PON3: variants seen among roughly 807,000 people sequenced by gnomAD.
PON3 encodes the protein paraoxonase 3.
PON3 carries 37 observed loss-of-function variants against 36.3 expected under a neutral mutation model. The ratio of observed to expected loss-of-function variants is 1.02; its 90% CI spans 0.78 to 1.34. The LOEUF (loss-of-function observed/expected upper bound fraction) is 1.34, where lower values mean the gene tolerates loss of function less well. PON3 is among the 40% of genes most tolerant of loss of function. The probability of loss-of-function intolerance (pLI) is 0.00; values close to 1 mark genes in which losing one functional copy is unlikely to be tolerated. For synonymous variants in PON3, 155 were observed against 154.8 expected (o/e 1.00, Z -0.01); for missense variants, 415 against 426.5 (o/e 0.97, Z 0.24).
At chr7:95,383,597 T>A (rs997611486) in intron 3 of PON3, among the ~76,000 whole-genome samples, 1 of 152,108 alleles carries the variant, frequency 6.6e-6, no homozygotes, top group East Asian at 1.9e-4. Context: ...TGAACTCCCA[T>A]TCACAATTGC....
At chr7:95,366,886 A>G (rs1325520217) in intron 5 of PON3, among the ~76,000 whole-genome samples, 1 of 152,252 alleles carries the variant, frequency 6.6e-6, no homozygotes, top group Non-Finnish European at 1.5e-5. Context: ...TCAATGCTTA[A>G]CAAATGTAAT....
intron 5 of PON3, chr7:95,365,703 ATC>A (rs1398375718): frequency 2.6e-5 from 4 of 152,182 alleles, no homozygotes; most frequent in East Asian, 3.9e-4. Context: ...GAGGCTAGGA[ATC>A]CAAAACCGTG....
rs1177463645 is a variant in PON3 at position 95,362,865 on chromosome 7, C to T, written c.696-24G>A. 5 of 1,529,944 alleles carry T rather than the reference C, an allele frequency of 3.3e-6. No individual in the cohort carries two copies. The South Asian group carries it at 4.5e-5, about 14-fold the overall frequency. 94.8% of individuals were successfully genotyped at this position (1,529,944 alleles called of 1,614,324 possible). On this transcript the variant is annotated intron_variant, in intron 6 of 8. Coordinates refer to ENST00000265627, the MANE Select transcript of PON3 (RefSeq NM_000940.3). ...ACCTTTGAAGTAAATGACATTTACA[C>T]TTAAGCAAGTGGTAATGAGAGACAA...
intron 3 of PON3, among the ~76,000 whole-genome samples, chr7:95,382,228 T>C (rs918105676): frequency 2.6e-5 from 4 of 152,136 alleles, no homozygotes; most frequent in African/African-American, 9.7e-5. Flanking sequence ...TTTATAGCAC[T>C]AAATGCCCAC....
intron 3 of PON3, among the ~76,000 whole-genome samples, chr7:95,382,576 T>G (rs1809085527): frequency 6.6e-6 from 1 of 152,146 alleles, no homozygotes; most frequent in Non-Finnish European, 1.5e-5. Flanking sequence ...TATAAACACA[T>G]CTATGCAAAT....
intron 3 of PON3, chr7:95,377,625 C>T (rs1808949905): frequency 9.9e-6 from 4 of 404,172 alleles, no homozygotes; most frequent in Non-Finnish European, 2.0e-5. Context: ...TGGTGATACC[C>T]AGGCAAACAG....
intron 3 of PON3, among the ~76,000 whole-genome samples, chr7:95,378,209 G>C (rs1808964298): frequency 6.6e-6 from 1 of 152,072 alleles, no homozygotes; most frequent in African/African-American, 2.4e-5. Flanking sequence ...GATGAGAGAA[G>C]AGTGAAAAGA....
At chr7:95,383,693 A>G (rs1479467689) in intron 3 of PON3, among the ~76,000 whole-genome samples, 3 of 152,102 alleles carry the variant, frequency 2.0e-5, no homozygotes, top group African/African-American at 4.8e-5. Context: ...ACTGCTCAAC[A>G]AAATAAAAGA....
At chr7:95,368,248 T>C (rs1311810166) in intron 4 of PON3, among the ~76,000 whole-genome samples, 1 of 152,208 alleles carries the variant, frequency 6.6e-6, no homozygotes, top group African/African-American at 2.4e-5. Context: ...CCTCCCACTG[T>C]AGGACTTGAT....
chr7:95,370,481 T>A lies in PON3; in HGVS notation c.367+1692A>T, dbSNP rs544783254. ...TTCGAGAAGTAAAGACACCATTATATATGAAAATAGTTTGTATACTATAAA... is the reference window on the plus strand; with the variant it reads ...TTCGAGAAGTAAAGACACCATTATAAATGAAAATAGTTTGTATACTATAAA... On this transcript the variant is annotated intron_variant, in intron 4 of 8. Transcript: ENST00000265627. Among the ~76,000 whole-genome samples, 7 of 152,338 alleles carry A rather than the reference T, an allele frequency of 4.6e-5. No individual in the cohort carries two copies. The East Asian group carries it at 1.4e-3, about 29-fold the overall frequency.
At chr7:95,365,681 C>T (rs1165923773) in intron 5 of PON3, 2 of 152,214 alleles carry the variant, frequency 1.3e-5, no homozygotes, top group Non-Finnish European at 2.9e-5. Flanking sequence ...AATGTATTGC[C>T]TCGCAGTTTT....
chr7:95,372,040 T>A, intron 4 of PON3, 133 bp downstream of exon 4: 22 of 1,115,692 alleles, frequency 2.0e-5, no homozygotes, highest in Non-Finnish European at 2.9e-5. Context: ...TACCTATTTA[T>A]CATTTAAAAA....
intron 3 of PON3, among the ~76,000 whole-genome samples, chr7:95,377,975 T>C (rs982208621): frequency 2.0e-5 from 3 of 152,152 alleles, no homozygotes; most frequent in Non-Finnish European, 1.5e-5. Context: ...TAAAGGAGCA[T>C]GTTCTAACCC....
At chr7:95,383,209 A>C (rs1809102597) in intron 3 of PON3, among the ~76,000 whole-genome samples, 1 of 152,208 alleles carries the variant, frequency 6.6e-6, no homozygotes, top group Non-Finnish European at 1.5e-5. Context: ...ATCTCAAAAT[A>C]ATAAGAGCTA....
At chr7:95,387,763 T>C (rs895636349) in intron 3 of PON3, among the ~76,000 whole-genome samples, 1 of 152,198 alleles carries the variant, frequency 6.6e-6, no homozygotes, top group Non-Finnish European at 1.5e-5. Flanking sequence ...CAAAACAGCA[T>C]GGTACTGGTA....
chr7:95,393,837 G>C (rs1157950066), intron 2 of PON3, among the ~76,000 whole-genome samples: 1 of 152,108 alleles, frequency 6.6e-6, no homozygotes, highest in African/African-American at 2.4e-5. Context: ...GTTAGGGACT[G>C]GGCCATGGAT....
chr7:95,368,233 C>G (rs1276618035), intron 4 of PON3, among the ~76,000 whole-genome samples: 6 of 152,132 alleles, frequency 3.9e-5, no homozygotes, highest in Admixed American at 3.3e-4. Context: ...AGGGTCTGGT[C>G]CCATCCTCCC....
intron 4 of PON3, among the ~76,000 whole-genome samples, chr7:95,371,021 C>T (rs1456799871): frequency 2.6e-5 from 4 of 152,330 alleles, no homozygotes; most frequent in African/African-American, 4.8e-5. Context: ...CTATTCTGGA[C>T]ACTTCATATA....
At chr7:95,364,600 G>A (rs1200065226) in intron 5 of PON3, 1 of 194,106 alleles carries the variant, frequency 5.2e-6, no homozygotes, top group African/African-American at 2.4e-5. Context: ...AGAGACTGTG[G>A]TCCTCCTAGG....
Sources: allele counts gnomAD v4.1 joint callset (sites outside exome capture counted in the v4.1 genomes callset), GRCh38; gene constraint gnomAD v4.1.1; transcripts MANE v1.5; gene names NCBI Gene and HGNC (gene_info 2026-07-23, HGNC 2026-07-21).